Variants in MYO7A observed in about 807,000 individuals in gnomAD.
MYO7A encodes myosin VIIA.
A neutral mutation model predicts 263.8 loss-of-function variants in MYO7A; 210 were observed. The ratio of observed to expected loss-of-function variants is 0.80; its 90% CI spans 0.71 to 0.89. The LOEUF is 0.89. MYO7A is among the 40% of genes least tolerant of loss of function. MYO7A has a pLI of 0.00. For missense variants in MYO7A, 2,820 were observed against 2,968.3 expected, an observed-to-expected ratio of 0.95 and a Z score of 1.16; for synonymous variants, 1,239 against 1,197.3, an observed-to-expected ratio of 1.03 and a Z score of -0.72.
At position 77,178,994 on chromosome 11, in the gene MYO7A, A is replaced by G. The variant is rs1357957480; in HGVS notation, c.2283-51A>G. 7.4e-6 allele frequency: 11 copies of G among 1,485,742 alleles called. No homozygotes were observed. In the South Asian group the frequency reaches 1.1e-4, roughly 15 times the overall value. The allele number at this position is 1,485,742 out of a possible 1,614,324, so 92.0% of individuals were successfully genotyped here. A position where few individuals can be genotyped will look rare whatever the true frequency, so the allele number is the denominator to read the frequency against. ...CCCTCCTGATCCCAAACCCACCTGT[A>G]CCCTGGCTGCCTCTGGACACTGCTC... is the stretch of plus-strand genomic sequence containing the variant. On this transcript the variant is annotated intron_variant, in intron 19 of 48. Coordinates refer to ENST00000409709, the MANE Select transcript of MYO7A (RefSeq NM_000260.4).
chr11:77,212,907 C>T, intron 46 of MYO7A, 45 bp from the exon 47 acceptor site: 1 of 1,437,918 alleles, frequency 7.0e-7, no homozygotes, highest in Non-Finnish European at 9.6e-7. Context: ...AAATGCTTTT[C>T]TTGCTCTGGG....
At position 77,205,562 on chromosome 11, in the gene MYO7A, C is replaced by T. The variant is rs878864531; in HGVS notation, c.5581C>T (p.Arg1861Ter). Residue 1861 changes from arginine (R) to a stop codon, truncating the protein, a stop_gained, in exon 40 of 49, where the codon CGA becomes TGA. Coordinates refer to ENST00000409709, the MANE Select transcript of MYO7A (RefSeq NM_000260.4). LOFTEE classifies it high-confidence loss of function. ...CCACGTGCAGCGCTTCCTGCAGTCC[C>T]GAAAGCACTGCCCACTCGCCATCGA... ...LPHVQRFLQS[R>*]KHCPLAIDCL... 12 of 1,612,892 alleles carry T rather than the reference C, an allele frequency of 7.4e-6. No homozygotes were observed. The highest frequency in any genetic ancestry group is 1.1e-5 in the South Asian group (1 of 90,710).
chr11:77,181,494 G>C lies in MYO7A; in HGVS notation c.2809G>C (p.Val937Leu). Reference sequence around the variant, plus strand: ...GATGGAAAGGGCCCGCCATGAGCCTGTCAATCACTCAGACATGGTGGACAA... The same window carrying C: ...GATGGAAAGGGCCCGCCATGAGCCTCTCAATCACTCAGACATGGTGGACAA... The part of the protein sequence containing the change: ...EQMERARHEP[V>L]NHSDMVDKMF... The change falls in exon 23 of 49, where the codon GTC becomes CTC. Residue 937 changes from valine (V) to leucine (L), a missense_variant. Coordinates refer to ENST00000409709, the MANE Select transcript of MYO7A (RefSeq NM_000260.4). The C allele has an allele frequency of 6.2e-7, 1 of 1,613,450 alleles. No homozygotes were observed.
intron 18 of MYO7A, among the ~76,000 whole-genome samples, chr11:77,175,899 G>C (rs1437092209): frequency 6.6e-6 from 1 of 152,248 alleles, no homozygotes; most frequent in East Asian, 1.9e-4. Flanking sequence ...TCCGCAGCAT[G>C]CCACCTGTCC....
rs1555048974 is a variant in MYO7A at position 77,138,851 on chromosome 11, A to G, written c.19-3858A>G. Among the ~76,000 whole-genome samples the G allele has an allele frequency of 6.6e-6, 1 of 152,232 alleles. No individual in the cohort carries two copies. Among genetic ancestry groups the G allele is most frequent in the African/African-American group, 2.4e-5 (1 of 41,456 alleles). On this transcript the variant is annotated intron_variant, in intron 2 of 48. Transcript: ENST00000409709. This position sits in a 1 kb window ranked among gnomAD's most constrained non-coding sequence, Gnocchi z 4.9. ...GCAAGATGCTTGGCTCACGTTTCCC[A>G]TCTGTGAAAATGGGGTGATAAAACC... is the stretch of plus-strand genomic sequence containing the variant.
chr11:77,148,992 G>T (rs1591231490), intron 4 of MYO7A, among the ~76,000 whole-genome samples: 1 of 152,208 alleles, frequency 6.6e-6, no homozygotes, highest in East Asian at 1.9e-4. Flanking sequence ...AAAAGAGATG[G>T]CTTTGCAGAC....
chr11:77,194,129 G>T, intron 31 of MYO7A: 1 of 696,000 alleles, frequency 1.4e-6, no homozygotes. Flanking sequence ...GTGCCAGAGG[G>T]ATCCAGGAGA....
intron 3 of MYO7A, among the ~76,000 whole-genome samples, chr11:77,144,472 G>A (rs1951429740): frequency 6.6e-6 from 1 of 152,184 alleles, no homozygotes; most frequent in South Asian, 2.1e-4. Flanking sequence ...CCCAGGCCCT[G>A]AGAGTGGGGG....
chr11:77,145,787 G>GT lies in MYO7A; in HGVS notation c.133-2010dup, dbSNP rs201393788. Among the ~76,000 whole-genome samples the GT allele has an allele frequency of 9.5e-3, 1,441 of 152,292 alleles. 10 individuals carry two copies. The highest frequency in any genetic ancestry group is 0.014 in the Non-Finnish European group (956 of 68,020). On this transcript the variant is annotated intron_variant, in intron 3 of 48. Transcript: ENST00000409709. ...GCCGTGGAGTATCAGGGAAACTGGGGTGGGGGGCTCTGTCCAGCGCAGCCC... is the reference window on the plus strand; with the variant it reads ...GCCGTGGAGTATCAGGGAAACTGGGGTTGGGGGGCTCTGTCCAGCGCAGCCC...
intron 4 of MYO7A, 78 bp from the exon 5 acceptor site, chr11:77,155,829 G>C: frequency 6.9e-7 from 1 of 1,442,728 alleles, no homozygotes; most frequent in Non-Finnish European, 9.3e-7. Context: ...TGCTGGAGCA[G>C]GGCAGAGCCC....
intron 31 of MYO7A, among the ~76,000 whole-genome samples, 171 bp downstream of exon 31, chr11:77,192,449 C>G (rs780393388): frequency 6.6e-6 from 1 of 152,092 alleles, no homozygotes; most frequent in Non-Finnish European, 1.5e-5. Context: ...TCAGGGGGCT[C>G]GTGAGGAGAG....
In MYO7A at chr11:77,179,012, C is replaced by T. The variant is rs782729424; in HGVS notation, c.2283-33C>T. 6.4e-6 allele frequency: 10 copies of T among 1,554,020 alleles called. No homozygotes were observed. The East Asian group carries it at 1.2e-4, about 18-fold the overall frequency. On this transcript the variant is annotated intron_variant, in intron 19 of 48. Transcript: ENST00000409709. ...CACCTGTACCCTGGCTGCCTCTGGA[C>T]ACTGCTCACCCGCGCCACTACTGCT...
In MYO7A at chr11:77,166,217, A is replaced by G. The variant is rs2276279; in HGVS notation, c.1797+55A>G. 0.053 allele frequency: 78,422 copies of G among 1,471,024 alleles called. 4,030 individuals are homozygous for G. Among genetic ancestry groups the G allele is most frequent in the East Asian group, 0.3 (13,081 of 43,764 alleles). 91.1% of individuals were successfully genotyped at this position (1,471,024 alleles called of 1,614,324 possible). On this transcript the variant is annotated intron_variant, in intron 15 of 48. Transcript: ENST00000409709. ...GAAGGGCCCCCACGGGCCAGGCCTG[A>G]GTCTAAGCCCTGCCCTTGTCCAACA...
At chr11:77,130,522 C>A in intron 1 of MYO7A, 67 bp from the exon 2 acceptor site, 1 of 1,330,516 alleles carries the variant, frequency 7.5e-7, no homozygotes. Context: ...CCCAGGTGAC[C>A]CCAGCCAGGC....
rs555520872 is a variant in MYO7A at position 77,180,768 on chromosome 11, C to T, written c.2694+287C>T. On this transcript the variant is annotated intron_variant, in intron 22 of 48. Coordinates refer to ENST00000409709, the MANE Select transcript of MYO7A (RefSeq NM_000260.4). ...CCTGGTAAAAGCACAAGCCAGCTGACGGCACGAGGGTGCTACACTGCCCAA... is the reference window on the plus strand; with the variant it reads ...CCTGGTAAAAGCACAAGCCAGCTGATGGCACGAGGGTGCTACACTGCCCAA... 4.7e-4 allele frequency among the ~76,000 whole-genome samples: 71 copies of T among 152,284 alleles called. 1 individual carries two copies. Among genetic ancestry groups the T allele is most frequent in the East Asian group, 3.7e-3 (19 of 5,164 alleles).
At chr11:77,177,477 C>G in intron 18 of MYO7A, 72 bp from the exon 19 acceptor site, 2 of 1,175,768 alleles carry the variant, frequency 1.7e-6, no homozygotes, top group Non-Finnish European at 2.5e-6. Context: ...GGAAGAGCAG[C>G]CCCCACTGGG....
intron 3 of MYO7A, among the ~76,000 whole-genome samples, chr11:77,143,119 C>G (rs1287816326): frequency 6.6e-6 from 1 of 152,190 alleles, no homozygotes; most frequent in Non-Finnish European, 1.5e-5. Context: ...AGGAGCTCCT[C>G]AGACACAGAG....
intron 31 of MYO7A, chr11:77,194,114 T>C (rs1956459550): frequency 2.9e-6 from 2 of 684,226 alleles, no homozygotes; most frequent in Non-Finnish European, 5.3e-6. Context: ...TCCAGCTCCA[T>C]GCCAGTGCCA....
chr11:77,181,791 T>G lies in MYO7A; in HGVS notation c.2905-160T>G, dbSNP rs532993372. Among the ~76,000 whole-genome samples the G allele has an allele frequency of 1.1e-3, 159 of 145,786 alleles. No homozygotes were observed. The highest frequency in any genetic ancestry group is 4.6e-3 in the South Asian group (21 of 4,594). On this transcript the variant is annotated intron_variant, in intron 23 of 48. Transcript: ENST00000409709. Reference sequence around the variant, plus strand: ...AGTTTTTTTTTTTGTTTTTTTTTTTTTTTTTTTTTTTGAGATGGGGTCGTA... The same window carrying G: ...AGTTTTTTTTTTTGTTTTTTTTTTTGTTTTTTTTTTTGAGATGGGGTCGTA...
Sources: allele counts gnomAD v4.1 joint callset (sites outside exome capture counted in the v4.1 genomes callset), GRCh38; gene constraint gnomAD v4.1.1; non-coding constraint Gnocchi (gnomAD v3.1); transcripts MANE v1.5; gene names NCBI Gene and HGNC (gene_info 2026-07-23, HGNC 2026-07-21).